The following STK24 variants were observed in gnomAD, a reference collection of about 807,000 sequenced individuals.
STK24 encodes the protein serine/threonine-protein kinase 24.
STK24 carries 21 observed loss-of-function variants against 55.6 expected under a neutral mutation model. The observed-to-expected ratio is 0.38, with a 90% confidence interval of 0.27 to 0.54. The LOEUF (loss-of-function observed/expected upper bound fraction) is 0.54, where lower values mean the gene tolerates loss of function less well. Among genes scored for constraint, STK24 ranks in the 20% least tolerant of loss-of-function variants. STK24 has a pLI of 0.79. For missense variants in STK24, 383 were observed against 538.4 expected (o/e 0.71, Z 2.86); for synonymous variants, 200 against 215.2 (o/e 0.93, Z 0.62).
At position 98,446,166 on chromosome 13, in the gene STK24, G is replaced by A. The variant is rs754186774; in HGVS notation, c.*7007C>T. ...ACGGGTGGCAGAAGCTGTGGGTGGTGTTCACAAACTTCTGCCTGTTCTTCT... is the reference window on the plus strand; with the variant it reads ...ACGGGTGGCAGAAGCTGTGGGTGGTATTCACAAACTTCTGCCTGTTCTTCT... On this transcript the variant is annotated 3_prime_UTR_variant, in exon 11 of 11. Coordinates refer to ENST00000539966, the MANE Select transcript of STK24 (RefSeq NM_001032296.4). The A allele has an allele frequency of 1.2e-6, 2 of 1,613,960 alleles. No homozygotes were observed. Among genetic ancestry groups the A allele is most frequent in the South Asian group, 2.2e-5 (2 of 91,074 alleles).
At chr13:98,510,094 G>A (rs1895830731) in intron 2 of STK24, among the ~76,000 whole-genome samples, 2 of 152,152 alleles carry the variant, frequency 1.3e-5, no homozygotes, top group South Asian at 2.1e-4. Context: ...TACGGACTCT[G>A]TACCCTCCAT....
chr13:98,456,562 TACA>T lies in STK24; in HGVS notation c.1259+603_1259+605del, dbSNP rs563029901. On this transcript the variant is annotated intron_variant, in intron 10 of 10. Coordinates refer to ENST00000539966, the MANE Select transcript of STK24 (RefSeq NM_001032296.4). ...GGGGCTTGGTTCCCATGGATACTCC[TACA>T]ACAAGTTGGGAGGGGGCAGGGAGGG... 50 of 502,254 alleles carry T rather than the reference TACA, an allele frequency of 1.0e-4. 1 individual carries two copies. Among genetic ancestry groups the T allele is most frequent in the Middle Eastern group, 6.4e-4 (2 of 3,120 alleles). 31.1% of individuals were successfully genotyped at this position (502,254 alleles called of 1,614,324 possible).
At chr13:98,565,966 G>T (rs1301942848) in intron 1 of STK24, among the ~76,000 whole-genome samples, 1 of 152,208 alleles carries the variant, frequency 6.6e-6, no homozygotes, top group Non-Finnish European at 1.5e-5. Context: ...AAGGCCCAGG[G>T]CTCCCTCTGC....
At chr13:98,489,589 G>A (rs1259245488) in intron 2 of STK24, among the ~76,000 whole-genome samples, 1 of 152,246 alleles carries the variant, frequency 6.6e-6, no homozygotes, top group African/African-American at 2.4e-5. Context: ...AGTGGCAGAT[G>A]CCACAAAAGA....
At position 98,478,591 on chromosome 13, in the gene STK24, A is replaced by T. The variant is rs35810619; in HGVS notation, c.331-3233T>A. 3.2e-3 allele frequency among the ~76,000 whole-genome samples: 484 copies of T among 152,360 alleles called. 3 individuals are homozygous for T. Among genetic ancestry groups the T allele is most frequent in the African/African-American group, 0.011 (446 of 41,582 alleles). Reference sequence around the variant, plus strand: ...ACTGACCCCATGTGCAGGGGGAGAAATAAATTTCTATCTTTTGTGAGACAC... The same window carrying T: ...ACTGACCCCATGTGCAGGGGGAGAATTAAATTTCTATCTTTTGTGAGACAC... On this transcript the variant is annotated intron_variant, in intron 3 of 10. Coordinates refer to ENST00000539966, the MANE Select transcript of STK24 (RefSeq NM_001032296.4).
At position 98,446,240 on chromosome 13, in the gene STK24, C is replaced by T. The variant is rs1392473472; in HGVS notation, c.*6933G>A. 2.1e-6 allele frequency: 3 copies of T among 1,438,294 alleles called. No individual in the cohort carries two copies. The highest frequency in any genetic ancestry group is 1.2e-5 in the South Asian group (1 of 86,392). 89.1% of individuals were successfully genotyped at this position (1,438,294 alleles called of 1,614,324 possible). ...TCGCACAGGGCAGGTGGCCCTGGGA[C>T]CTTGGGGGTGGCAGCATGAGGTGAG... On this transcript the variant is annotated 3_prime_UTR_variant, in exon 11 of 11. Transcript: ENST00000539966.
At chr13:98,562,719 T>C (rs1222723939) in intron 1 of STK24, among the ~76,000 whole-genome samples, 1 of 151,882 alleles carries the variant, frequency 6.6e-6, no homozygotes, top group Non-Finnish European at 1.5e-5. Flanking sequence ...ATCCAGACCA[T>C]CCTGGCTAGC....
chr13:98,530,783 C>T (rs1026546964), intron 1 of STK24, among the ~76,000 whole-genome samples: 6 of 152,164 alleles, frequency 3.9e-5, no homozygotes, highest in Admixed American at 1.3e-4. Flanking sequence ...ACTGCCACCA[C>T]CTTCACCAGA....
At chr13:98,484,826 G>C (rs1894745692) in intron 2 of STK24, among the ~76,000 whole-genome samples, 1 of 152,178 alleles carries the variant, frequency 6.6e-6, no homozygotes, top group South Asian at 2.1e-4. Flanking sequence ...TCAGGACCAA[G>C]GCCGCCTCCT....
At chr13:98,543,182 G>GT (rs1199639357) in intron 1 of STK24, among the ~76,000 whole-genome samples, 9 of 152,160 alleles carry the variant, frequency 5.9e-5, no homozygotes, top group African/African-American at 1.9e-4. Context: ...CCACAGAGTT[G>GT]TTTTTTTCCC....
chr13:98,474,136 C>T (rs1894272059), intron 5 of STK24, among the ~76,000 whole-genome samples: 1 of 151,980 alleles, frequency 6.6e-6, no homozygotes, highest in South Asian at 2.1e-4. Flanking sequence ...GATTTTTTGT[C>T]CCATCTAACA....
chr13:98,471,112 A>G (rs900698486), intron 5 of STK24, among the ~76,000 whole-genome samples: 1 of 152,162 alleles, frequency 6.6e-6, no homozygotes, highest in Non-Finnish European at 1.5e-5. Flanking sequence ...TCATCCTCCC[A>G]GCCAGGCCTG....
chr13:98,565,557 G>A (rs1204723776), intron 1 of STK24, among the ~76,000 whole-genome samples: 10 of 151,740 alleles, frequency 6.6e-5, no homozygotes, highest in African/African-American at 1.5e-4. Context: ...GCTTGAACCC[G>A]GGAGGCAGAG....
intron 5 of STK24, among the ~76,000 whole-genome samples, chr13:98,470,798 TTAAG>T (rs1450528647): frequency 6.6e-6 from 1 of 152,192 alleles, no homozygotes; most frequent in Non-Finnish European, 1.5e-5. Context: ...AAGATACAAT[TTAAG>T]TGATTTTAAT....
At chr13:98,550,972 T>C (rs1282390359) in intron 1 of STK24, among the ~76,000 whole-genome samples, 1 of 151,960 alleles carries the variant, frequency 6.6e-6, no homozygotes, top group Non-Finnish European at 1.5e-5. Flanking sequence ...TACATGCATA[T>C]ATATTGTGAC....
chr13:98,448,619 A>C lies in STK24; in HGVS notation c.*4554T>G, dbSNP rs1365022238. 2.9e-5 allele frequency: 10 copies of C among 339,836 alleles called. No homozygotes were observed. Among genetic ancestry groups the C allele is most frequent in the Non-Finnish European group, 5.4e-6 (1 of 184,082 alleles). 21.1% of individuals were successfully genotyped at this position (339,836 alleles called of 1,614,324 possible). ...CTTCCCTCCACCCTGCCCCTGAAAA[A>C]CAGTACACACACATCCGTTCAACAC... On this transcript the variant is annotated 3_prime_UTR_variant, in exon 11 of 11. Coordinates refer to ENST00000539966, the MANE Select transcript of STK24 (RefSeq NM_001032296.4).
At chr13:98,497,229 C>A (rs1286520649) in intron 2 of STK24, among the ~76,000 whole-genome samples, 5 of 152,162 alleles carry the variant, frequency 3.3e-5, no homozygotes, top group Non-Finnish European at 5.9e-5. Flanking sequence ...TGCTCCCTGA[C>A]CCCTCCACTG....
At chr13:98,474,156 A>G (rs972790292) in intron 5 of STK24, among the ~76,000 whole-genome samples, 1 of 152,184 alleles carries the variant, frequency 6.6e-6, no homozygotes, top group African/African-American at 2.4e-5. Context: ...AGAGTTCACA[A>G]AAGTGGAGGG....
At chr13:98,549,543 A>G (rs1566400079) in intron 1 of STK24, among the ~76,000 whole-genome samples, 1 of 152,154 alleles carries the variant, frequency 6.6e-6, no homozygotes, top group Non-Finnish European at 1.5e-5. Context: ...AGTGAGTTCC[A>G]GCAAGATCTG....
Sources: allele counts gnomAD v4.1 joint callset (sites outside exome capture counted in the v4.1 genomes callset), GRCh38; gene constraint gnomAD v4.1.1; transcripts MANE v1.5; gene names NCBI Gene and HGNC (gene_info 2026-07-23, HGNC 2026-07-21).